Variants in CADM2 observed in about 807,000 individuals in gnomAD.
CADM2 encodes the protein immunoglobulin superfamily member 4D.
CADM2 carries 12 observed loss-of-function variants against 49.8 expected under a neutral mutation model. The ratio of observed to expected loss-of-function variants is 0.24; its 90% CI spans 0.15 to 0.39. The LOEUF (loss-of-function observed/expected upper bound fraction) is 0.39. Ranked by LOEUF, CADM2 falls within the 10% of genes least tolerant of loss-of-function variation. The pLI is 1.00. For missense variants in CADM2, 378 were observed against 492.3 expected (o/e 0.77, Z 2.20); for synonymous variants, 214 against 175.4 (o/e 1.22, Z -1.74).
intron 8 of CADM2, among the ~76,000 whole-genome samples, chr3:85,967,577 A>C (rs1725625642): frequency 6.6e-6 from 1 of 151,594 alleles, no homozygotes; most frequent in African/African-American, 2.4e-5. Flanking sequence ...AGAGAGATAT[A>C]TCTCTCATGT....
intron 1 of CADM2, among the ~76,000 whole-genome samples, chr3:85,373,154 A>T (rs1576439689): frequency 6.6e-6 from 1 of 152,182 alleles, no homozygotes; most frequent in Non-Finnish European, 1.5e-5. Context: ...TTACAAGGCA[A>T]CTAATGAGCG....
intron 1 of CADM2, among the ~76,000 whole-genome samples, chr3:85,088,459 C>A (rs1266979707): frequency 1.3e-5 from 2 of 151,974 alleles, no homozygotes; most frequent in African/African-American, 4.8e-5. Flanking sequence ...GAAAAAACTA[C>A]CTTTTGGGGC....
chr3:85,866,574 A>C (rs1227429909), intron 3 of CADM2, among the ~76,000 whole-genome samples: 1 of 152,170 alleles, frequency 6.6e-6, no homozygotes, highest in Non-Finnish European at 1.5e-5. Flanking sequence ...CCTTCAAATA[A>C]ATTGCAAGCT....
At chr3:85,003,461 G>T (rs1019043278) in intron 1 of CADM2, among the ~76,000 whole-genome samples, 2 of 152,090 alleles carry the variant, frequency 1.3e-5, no homozygotes, top group African/African-American at 4.8e-5. Flanking sequence ...GGCTAAAATA[G>T]AAAATTTACC....
chr3:85,432,097 T>C (rs1317360444), intron 1 of CADM2, among the ~76,000 whole-genome samples: 4 of 148,820 alleles, frequency 2.7e-5, no homozygotes, highest in African/African-American at 9.9e-5. Context: ...ACAAAAGAGA[T>C]TGAAAAAACA....
intron 1 of CADM2, among the ~76,000 whole-genome samples, chr3:85,198,454 A>C (rs1167000069): frequency 2.0e-5 from 3 of 150,032 alleles, no homozygotes; most frequent in Non-Finnish European, 4.5e-5. Flanking sequence ...TCTCACCACG[A>C]TGTTAATAGC....
intron 1 of CADM2, among the ~76,000 whole-genome samples, chr3:85,503,804 A>G (rs1453544229): frequency 1.3e-5 from 2 of 152,204 alleles, no homozygotes; most frequent in African/African-American, 4.8e-5. Context: ...TTATGTACCT[A>G]AGCAACACAA....
At chr3:85,742,487 G>A (rs148069560) in intron 2 of CADM2, among the ~76,000 whole-genome samples, 5 of 152,172 alleles carry the variant, frequency 3.3e-5, no homozygotes, top group African/African-American at 9.6e-5. Flanking sequence ...AATAAATTAA[G>A]TTAGATTGGT....
Position 85,961,565 on chromosome 3 carries a change from CA to C in CADM2, c.892del (p.Thr298ArgfsTer42). Reference sequence around the variant, plus strand: ...GGGAGCTAAACATTCTTTTCCTGAACAAAACGGATAATGGTACATATCGATG... The same window carrying C: ...GGGAGCTAAACATTCTTTTCCTGAACAAACGGATAATGGTACATATCGATG... ...GRELNILFLN[K>X]TDNGTYRCEA... On this transcript the variant is annotated frameshift_variant, in exon 8 of 10. Coordinates refer to ENST00000383699, the MANE Select transcript of CADM2 (RefSeq NM_001167675.2). LOFTEE classifies it high-confidence loss of function. The C allele has an allele frequency of 6.2e-7, 1 of 1,610,758 alleles. No homozygotes were observed. Among genetic ancestry groups the C allele is most frequent in the South Asian group, 1.1e-5 (1 of 90,842 alleles).
At chr3:85,988,709 C>A (rs73843564) in intron 8 of CADM2, among the ~76,000 whole-genome samples, 1 of 152,056 alleles carries the variant, frequency 6.6e-6, no homozygotes, top group African/African-American at 2.4e-5. Context: ...TAAAGAATTA[C>A]GTTTGTGTCC....
At chr3:85,598,939 G>T (rs2063323990) in intron 1 of CADM2, among the ~76,000 whole-genome samples, 1 of 151,462 alleles carries the variant, frequency 6.6e-6, no homozygotes, top group Non-Finnish European at 1.5e-5. Context: ...ATATATAGAA[G>T]AACTCTGTAG....
intron 1 of CADM2, among the ~76,000 whole-genome samples, chr3:85,155,522 A>G (rs1267268293): frequency 6.6e-6 from 1 of 152,040 alleles, no homozygotes; most frequent in Admixed American, 6.6e-5. Context: ...TCAACATTAG[A>G]CAGATCAACG....
chr3:85,946,849 GA>G (rs1722775265), intron 7 of CADM2, among the ~76,000 whole-genome samples: 1 of 152,092 alleles, frequency 6.6e-6, no homozygotes, highest in South Asian at 2.1e-4. Flanking sequence ...AACCCTAGAA[GA>G]AAACCTAGGC....
At chr3:85,067,273 A>C (rs1002110274) in intron 1 of CADM2, among the ~76,000 whole-genome samples, 2 of 150,340 alleles carry the variant, frequency 1.3e-5, no homozygotes, top group South Asian at 4.2e-4. Flanking sequence ...TGCACATCTA[A>C]TTAAACTGTG....
At chr3:85,319,421 G>A (rs2044545868) in intron 1 of CADM2, among the ~76,000 whole-genome samples, 2 of 152,198 alleles carry the variant, frequency 1.3e-5, no homozygotes, top group East Asian at 1.9e-4. Context: ...ACTACCGTTC[G>A]ACTTAACAAT....
In CADM2 at chr3:85,034,663, C is replaced by G. The variant is rs985880477; in HGVS notation, c.61+74995C>G. Reference sequence around the variant, plus strand: ...CTCTATTTTTTAGTTTTTTGAGGAACCTCCATACTGTTCTCCATAATGGTT... The same window carrying G: ...CTCTATTTTTTAGTTTTTTGAGGAAGCTCCATACTGTTCTCCATAATGGTT... On this transcript the variant is annotated intron_variant, in intron 1 of 9. Transcript: ENST00000383699. Among the ~76,000 whole-genome samples, 8 of 151,976 alleles carry G rather than the reference C, an allele frequency of 5.3e-5. No individual in the cohort carries two copies. In the East Asian group the frequency reaches 1.6e-3, roughly 29 times the overall value.
chr3:85,772,279 T>C (rs1427926981), intron 2 of CADM2, among the ~76,000 whole-genome samples: 3 of 152,064 alleles, frequency 2.0e-5, no homozygotes, highest in Non-Finnish European at 1.5e-5. Context: ...TTCTTTTTAC[T>C]AAAACTAACT....
chr3:85,071,319 A>G (rs773136528), intron 1 of CADM2, among the ~76,000 whole-genome samples: 3 of 152,108 alleles, frequency 2.0e-5, no homozygotes, highest in Non-Finnish European at 4.4e-5. Context: ...GATTTGCTTC[A>G]GGGATAGTTG....
chr3:85,281,841 C>T (rs1466854806), intron 1 of CADM2, among the ~76,000 whole-genome samples: 1 of 151,934 alleles, frequency 6.6e-6, no homozygotes, highest in Non-Finnish European at 1.5e-5. Flanking sequence ...AGGCGGTATG[C>T]AAAGAAAATT....
Sources: gnomAD v4.1 joint callset for allele counts (sites outside exome capture counted in the v4.1 genomes callset) on GRCh38, gnomAD v4.1.1 for gene constraint, MANE v1.5 for transcripts, NCBI Gene and HGNC (gene_info 2026-07-23, HGNC 2026-07-21) for gene names.